The following NRXN1 variants were observed in gnomAD, a reference collection of about 807,000 sequenced individuals.
NRXN1 encodes neurexin-1.
NRXN1 carries 39 observed loss-of-function variants against 150.9 expected under a neutral mutation model. The ratio of observed to expected loss-of-function variants is 0.26; its 90% CI spans 0.20 to 0.34. NRXN1 has a LOEUF of 0.34. NRXN1 is among the 10% of genes least tolerant of loss of function. The probability of loss-of-function intolerance (pLI) is 1.00; values close to 1 mark genes in which losing one functional copy is unlikely to be tolerated. For synonymous variants in NRXN1, 924 were observed against 757.0 expected, an observed-to-expected ratio of 1.22 and a Z score of -3.62; for missense variants, 1,815 against 1,949.9, an observed-to-expected ratio of 0.93 and a Z score of 1.30.
At chr2:50,466,560 C>T (rs1269987989) in intron 16 of NRXN1, 1 of 450,136 alleles carries the variant, frequency 2.2e-6, no homozygotes, top group Non-Finnish European at 4.5e-6. Context: ...GGGGCAAACA[C>T]AGAAGAATGT....
intron 17 of NRXN1, among the ~76,000 whole-genome samples, chr2:50,388,744 T>G (rs57613055): frequency 0.53 from 81,091 of 151,868 alleles, 22,934 homozygotes; most frequent in East Asian, 0.81. Flanking sequence ...CATTCTTTTC[T>G]TATCATATTT....
chr2:50,973,099 T>C (rs1461087477), intron 2 of NRXN1, among the ~76,000 whole-genome samples: 3 of 152,194 alleles, frequency 2.0e-5, no homozygotes, highest in Non-Finnish European at 2.9e-5. Context: ...TATGATCTCC[T>C]ATTCAGAGAT....
intron 11 of NRXN1, 68 bp downstream of exon 11, chr2:50,531,159 A>T: frequency 1.7e-6 from 2 of 1,208,968 alleles, no homozygotes; most frequent in Non-Finnish European, 2.3e-6. Context: ...CTACTTGATC[A>T]ATGTTTGCAG....
intron 2 of NRXN1, among the ~76,000 whole-genome samples, chr2:50,929,512 T>C (rs1308494351): frequency 6.6e-6 from 1 of 152,050 alleles, no homozygotes; most frequent in Non-Finnish European, 1.5e-5. Flanking sequence ...TAGATGCCTG[T>C]GACTGGCTCC....
rs370825378 is a variant in NRXN1, at chr2:50,662,585, CTTTTG to C, written c.833-38975_833-38971del. 4.5e-3 allele frequency among the ~76,000 whole-genome samples: 670 copies of C among 149,462 alleles called. 5 individuals carry two copies. Among genetic ancestry groups the C allele is most frequent in the African/African-American group, 0.015 (623 of 40,948 alleles). ...TCTTAAAACACTATGAGTTTTTTTT[CTTTTG>C]TTTTGTTTTGTTTTTGCGATTTTTT... On this transcript the variant is annotated intron_variant, in intron 5 of 22. Transcript: ENST00000401669.
At chr2:49,967,822 G>A (rs1340528409) in intron 21 of NRXN1, among the ~76,000 whole-genome samples, 1 of 152,012 alleles carries the variant, frequency 6.6e-6, no homozygotes, top group Non-Finnish European at 1.5e-5. Flanking sequence ...TGTTGCAGTG[G>A]ATGTCTTAAG....
intron 18 of NRXN1, among the ~76,000 whole-genome samples, chr2:50,111,990 G>A (rs972151663): frequency 6.6e-6 from 1 of 151,614 alleles, no homozygotes; most frequent in African/African-American, 2.4e-5. Context: ...TTCTTAATTA[G>A]GGCACCACTT....
At chr2:50,962,582 A>G (rs1693382092) in intron 2 of NRXN1, among the ~76,000 whole-genome samples, 1 of 151,616 alleles carries the variant, frequency 6.6e-6, no homozygotes, top group East Asian at 1.9e-4. Flanking sequence ...CAAGGCCCTG[A>G]GACCCAGTCT....
At chr2:50,670,134 T>G (rs1354492702) in intron 5 of NRXN1, among the ~76,000 whole-genome samples, 1 of 151,900 alleles carries the variant, frequency 6.6e-6, no homozygotes, top group Non-Finnish European at 1.5e-5. Flanking sequence ...TTAAGAGCGT[T>G]GCACTATGTA....
chr2:50,572,732 C>T (rs985882657), intron 8 of NRXN1, among the ~76,000 whole-genome samples: 13 of 152,222 alleles, frequency 8.5e-5, no homozygotes, highest in East Asian at 1.9e-4. Context: ...CCTCTGAGAA[C>T]GAAAAGGCCA....
intron 21 of NRXN1, among the ~76,000 whole-genome samples, chr2:50,020,607 A>T (rs1431807767): frequency 6.6e-6 from 1 of 152,210 alleles, no homozygotes; most frequent in Non-Finnish European, 1.5e-5. Context: ...TTCCATATAC[A>T]TCTTTAAAAT....
intron 2 of NRXN1, chr2:50,979,167 C>T (rs1575112539): frequency 2.1e-6 from 1 of 477,904 alleles, no homozygotes; most frequent in African/African-American, 2.0e-5. Context: ...ACATAACTTA[C>T]ATGGTCATCG....
intron 17 of NRXN1, among the ~76,000 whole-genome samples, chr2:50,305,879 A>G (rs1344753287): frequency 1.3e-5 from 2 of 152,210 alleles, no homozygotes; most frequent in South Asian, 2.1e-4. Flanking sequence ...CCGTCCTTCC[A>G]TGTGAGAACA....
chr2:51,028,376 A>G lies in NRXN1; in HGVS notation c.-103T>C. On this transcript the variant is annotated 5_prime_UTR_variant, in exon 2 of 23. Transcript: ENST00000401669. ...AAGGGTCCCGAGAGACAGAAAGGTA[A>G]GGGGAAAGGCGGGAGTGAGAGGGAT... 1.3e-6 allele frequency: 1 copy of G among 760,386 alleles called. No homozygotes were observed. Among genetic ancestry groups the G allele is most frequent in the South Asian group, 2.8e-5 (1 of 36,078 alleles). 47.1% of individuals were successfully genotyped at this position (760,386 alleles called of 1,614,324 possible).
Position 50,959,114 on chromosome 2 carries a change from A to G in NRXN1, c.773-33159T>C, listed in dbSNP as rs192062165. ...AAACAGACAATAACAAGTGTCGGTG[A>G]AAATGTGGAAAAATTGCTGATTTTT... is the stretch of plus-strand genomic sequence containing the variant. On this transcript the variant is annotated intron_variant, in intron 2 of 22. Coordinates refer to ENST00000401669, the MANE Select transcript of NRXN1 (RefSeq NM_001330078.2). Among the ~76,000 whole-genome samples, 60 of 152,174 alleles carry G rather than the reference A, an allele frequency of 3.9e-4. No individual in the cohort carries two copies. In the East Asian group the frequency reaches 0.011, roughly 27 times the overall value.
At chr2:50,845,832 G>A (rs1314923385) in intron 5 of NRXN1, among the ~76,000 whole-genome samples, 1 of 152,010 alleles carries the variant, frequency 6.6e-6, no homozygotes, top group African/African-American at 2.4e-5. Context: ...GAAAAATAAG[G>A]CTTTTTGAAT....
At position 50,434,832 on chromosome 2, in the gene NRXN1, T is replaced by A. The variant is rs934708056; in HGVS notation, c.3364+30610A>T. Among the ~76,000 whole-genome samples, 13 of 152,230 alleles carry A rather than the reference T, an allele frequency of 8.5e-5. No individual in the cohort carries two copies. In the East Asian group the frequency reaches 2.5e-3, roughly 29 times the overall value. On this transcript the variant is annotated intron_variant, in intron 17 of 22. Coordinates refer to ENST00000401669, the MANE Select transcript of NRXN1 (RefSeq NM_001330078.2). ...TTTTTTTCCCTCCTGCAGATCAGAC[T>A]TTATTTCCAGAAATGGAAACAACAT...
intron 21 of NRXN1, among the ~76,000 whole-genome samples, chr2:49,982,272 G>T (rs1402844138): frequency 6.6e-6 from 1 of 152,120 alleles, no homozygotes; most frequent in Non-Finnish European, 1.5e-5. Context: ...TTTGGGCCTT[G>T]AATGATGGTA....
intron 19 of NRXN1, among the ~76,000 whole-genome samples, chr2:50,068,941 T>C (rs755907795): frequency 6.6e-6 from 1 of 152,192 alleles, no homozygotes; most frequent in African/African-American, 2.4e-5. Flanking sequence ...CCAAGCAATG[T>C]CATCTTTATT....
Sources: gnomAD v4.1 joint callset for allele counts (sites outside exome capture counted in the v4.1 genomes callset) on GRCh38, gnomAD v4.1.1 for gene constraint, MANE v1.5 for transcripts, NCBI Gene and HGNC (gene_info 2026-07-23, HGNC 2026-07-21) for gene names.